SETDB2: variants seen among roughly 807,000 people sequenced by gnomAD.
SETDB2 encodes the protein histone-lysine N-methyltransferase SETDB2.
A neutral mutation model predicts 82.5 loss-of-function variants in SETDB2; 56 were observed. The observed-to-expected ratio is 0.68, with a 90% confidence interval of 0.55 to 0.85. SETDB2 has a LOEUF of 0.85. SETDB2 is among the 40% of genes least tolerant of loss of function. The pLI is 0.00. For missense variants in SETDB2, 677 were observed against 816.4 expected (o/e 0.83, Z 2.08); for synonymous variants, 272 against 284.9 (o/e 0.95, Z 0.46).
intron 1 of SETDB2, among the ~76,000 whole-genome samples, chr13:49,449,715 T>C (rs1219764821): frequency 6.6e-6 from 1 of 152,186 alleles, no homozygotes; most frequent in Non-Finnish European, 1.5e-5. Context: ...CTTGAAACAA[T>C]CCCTTCCATC....
intron 3 of SETDB2, 58 bp from the exon 4 acceptor site, chr13:49,461,039 A>G: frequency 7.7e-7 from 1 of 1,304,886 alleles, no homozygotes; most frequent in Non-Finnish European, 1.1e-6. Flanking sequence ...ATTGTTTAGC[A>G]CAGTAGCTGG....
At chr13:49,457,769 C>T (rs1316943572) in intron 2 of SETDB2, among the ~76,000 whole-genome samples, 2 of 152,114 alleles carry the variant, frequency 1.3e-5, no homozygotes, top group Non-Finnish European at 2.9e-5. Context: ...TTCATTGAGT[C>T]TTGATTGTTG....
chr13:49,492,234 A>C lies in SETDB2; in HGVS notation c.*385A>C, dbSNP rs1289228980. 2 of 170,796 alleles carry C rather than the reference A, an allele frequency of 1.2e-5. No homozygotes were observed. Among genetic ancestry groups the C allele is most frequent in the Non-Finnish European group, 2.5e-5 (2 of 78,730 alleles). 10.6% of individuals were successfully genotyped at this position (170,796 alleles called of 1,614,324 possible). ...TAGTTCATGCCCCCCCAAAGAGCTAAATTTCACATTTTTACCTACAAAATT... is the reference window on the plus strand; with the variant it reads ...TAGTTCATGCCCCCCCAAAGAGCTACATTTCACATTTTTACCTACAAAATT... On this transcript the variant is annotated 3_prime_UTR_variant, in exon 14 of 14. Transcript: ENST00000611815.
At position 49,444,364 on chromosome 13, in the gene SETDB2, C is replaced by T; in HGVS notation, c.-835C>T. The T allele has an allele frequency of 4.7e-6, 1 of 212,176 alleles. No individual in the cohort carries two copies. The highest frequency in any genetic ancestry group is 9.9e-6 in the Non-Finnish European group (1 of 101,496). The allele number at this position is 212,176 out of a possible 1,614,324, so 13.1% of individuals were successfully genotyped here. A position where few individuals can be genotyped will look rare whatever the true frequency, so the allele number is the denominator to read the frequency against. ...TAGTAAATGGTGAAGTACTTCCCGG[C>T]CAGAGGGCACCTGCGCTCGGGAGGT... On this transcript the variant is annotated 5_prime_UTR_variant, in exon 1 of 14. Transcript: ENST00000611815.
At chr13:49,468,232 GT>G (rs1958155565) in intron 5 of SETDB2, among the ~76,000 whole-genome samples, 1 of 152,040 alleles carries the variant, frequency 6.6e-6, no homozygotes, top group African/African-American at 2.4e-5. Flanking sequence ...CAAGTAGTGT[GT>G]TTTTGTTTTG....
At chr13:49,454,886 G>T (rs753070396) in intron 2 of SETDB2, among the ~76,000 whole-genome samples, 3 of 151,950 alleles carry the variant, frequency 2.0e-5, no homozygotes, top group Non-Finnish European at 2.9e-5. Context: ...TTGGTCTCAG[G>T]ATGACTTTAT....
intron 10 of SETDB2, among the ~76,000 whole-genome samples, chr13:49,484,373 G>A (rs1011250010): frequency 2.0e-5 from 3 of 152,144 alleles, no homozygotes; most frequent in Non-Finnish European, 4.4e-5. Flanking sequence ...GGGTTCAAGC[G>A]ATTCCCCTGC....
rs1263826209 is a variant in SETDB2, at chr13:49,457,007, T to C, written c.17-3100T>C. On this transcript the variant is annotated intron_variant, in intron 2 of 13. Transcript: ENST00000611815. ...ATTTAAAACCCAGAACAAATAAATA[T>C]GAATTGCTTAGTTACATTCATTTAT... Among the ~76,000 whole-genome samples the C allele has an allele frequency of 2.6e-5, 4 of 152,352 alleles. No individual in the cohort carries two copies. In the South Asian group the frequency reaches 8.3e-4, roughly 32 times the overall value.
chr13:49,466,009 G>A (rs938366405), intron 4 of SETDB2, among the ~76,000 whole-genome samples: 1 of 152,110 alleles, frequency 6.6e-6, no homozygotes, highest in Admixed American at 6.5e-5. Flanking sequence ...TTGTACAAAG[G>A]GTAACATACA....
chr13:49,445,650 CG>C (rs1459025310), intron 1 of SETDB2: 1 of 152,088 alleles, frequency 6.6e-6, no homozygotes, highest in Non-Finnish European at 1.5e-5. Context: ...AGCTATGGGC[CG>C]GGCGCGGTGG....
At chr13:49,464,797 C>G (rs1431385438) in intron 4 of SETDB2, among the ~76,000 whole-genome samples, 1 of 152,106 alleles carries the variant, frequency 6.6e-6, no homozygotes, top group Non-Finnish European at 1.5e-5. Context: ...TACAGTGGCT[C>G]AGGCCTGTAA....
rs538044408 is a variant in SETDB2, at chr13:49,476,988, T to C, written c.818T>C (p.Phe273Ser). 287 of 1,612,346 alleles carry C rather than the reference T, an allele frequency of 1.8e-4. 3 individuals are homozygous for C. In the South Asian group the frequency reaches 2.1e-3, roughly 12 times the overall value. ...CCTCGAGCATATAATCTAACCAACT[T>C]TTCCAGCATGTTTACTGATTCCTGT... is the stretch of plus-strand genomic sequence containing the variant. ...VWPRAYNLTN[F>S]SSMFTDSCDC... The change falls in exon 6 of 14, where the codon TTT (phenylalanine) becomes TCT (serine). Residue 273 changes from phenylalanine to serine, a missense_variant. Physicochemically the swap from Phe to Ser is radical, Grantham distance 155 (BLOSUM62 -2). Around this residue, in one of 3 missense-constraint regions of SETDB2, gnomAD observed 420 missense variants for 554.6 expected, o/e 0.76. Transcript: ENST00000611815.
chr13:49,451,672 G>T lies in SETDB2; in HGVS notation c.-222G>T, dbSNP rs2138818201. 5.3e-6 allele frequency: 2 copies of T among 375,946 alleles called. No individual in the cohort carries two copies. Among genetic ancestry groups the T allele is most frequent in the Non-Finnish European group, 9.7e-6 (2 of 207,054 alleles). 23.3% of individuals were successfully genotyped at this position (375,946 alleles called of 1,614,324 possible). A position where few individuals can be genotyped will look rare whatever the true frequency, so the allele number is the denominator to read the frequency against. ...GAGAAGATTCATGGACTTGTCTTTT[G>T]GTTGGACTGTCACTCATTTCTGAAA... On this transcript the variant is annotated 5_prime_UTR_variant, in exon 2 of 14. Coordinates refer to ENST00000611815, the MANE Select transcript of SETDB2 (RefSeq NM_001160308.3).
At position 49,488,362 on chromosome 13, in the gene SETDB2, C is replaced by T. The variant is rs144476564; in HGVS notation, c.1649C>T (p.Thr550Ile). 2 of 1,611,522 alleles carry T rather than the reference C, an allele frequency of 1.2e-6. No individual in the cohort carries two copies. Among genetic ancestry groups the T allele is most frequent in the South Asian group, 2.2e-5 (2 of 90,394 alleles). The stretch of plus-strand genomic sequence containing the variant: ...ATTGAATCAGATGTGATAGATATAA[C>T]TAAATATAGAGAAGAAACTCCACCA... ...LLIESDVIDI[T>I]KYREETPPRS... Residue 550 changes from threonine to isoleucine, a missense_variant, in exon 12 of 14, where the codon ACT becomes ATT. Around this residue, in one of 3 missense-constraint regions of SETDB2, gnomAD observed 420 missense variants for 554.6 expected, o/e 0.76. Transcript: ENST00000611815.
At chr13:49,474,233 G>A (rs752676471) in intron 5 of SETDB2, among the ~76,000 whole-genome samples, 13 of 152,076 alleles carry the variant, frequency 8.5e-5, no homozygotes, top group Admixed American at 1.3e-4. Context: ...CTGCACTCCA[G>A]CCTGGGCAAT....
In SETDB2 at chr13:49,479,217, G is replaced by C. The variant is rs1451694619; in HGVS notation, c.870-1002G>C. Among the ~76,000 whole-genome samples, 4 of 111,958 alleles carry C rather than the reference G, an allele frequency of 3.6e-5. No homozygotes were observed. The East Asian group carries it at 1.0e-3, about 29-fold the overall frequency. 73.4% of individuals were successfully genotyped at this position (111,958 alleles called of 152,430 possible). ...TTTACTTTTTAACTTTTTTTAAGAA[G>C]ACCATATATATGTGGTGTATATGTG... On this transcript the variant is annotated intron_variant, in intron 6 of 13. Transcript: ENST00000611815.
rs1958738515 is a variant in SETDB2, at chr13:49,492,825, G to A, written c.*976G>A. On this transcript the variant is annotated 3_prime_UTR_variant, in exon 14 of 14. Transcript: ENST00000611815. ...AATACAAAAATTAGCCTGGCATGAT[G>A]GCATGTGCCCGTAGTCTCAGCTACT... The A allele has an allele frequency of 6.6e-6, 1 of 152,176 alleles. No individual in the cohort carries two copies. Among genetic ancestry groups the A allele is most frequent in the South Asian group, 2.1e-4 (1 of 4,814 alleles). 9.4% of individuals were successfully genotyped at this position (152,176 alleles called of 1,614,324 possible). A position where few individuals can be genotyped will look rare whatever the true frequency, so the allele number is the denominator to read the frequency against.
intron 2 of SETDB2, among the ~76,000 whole-genome samples, chr13:49,455,702 C>T (rs1480771810): frequency 1.3e-5 from 2 of 151,852 alleles, no homozygotes; most frequent in East Asian, 3.9e-4. Context: ...TCACTTTGCT[C>T]ATATGCCAAA....
At chr13:49,467,046 A>G (rs1020198935) in intron 4 of SETDB2, among the ~76,000 whole-genome samples, 6 of 152,150 alleles carry the variant, frequency 3.9e-5, no homozygotes, top group Non-Finnish European at 5.9e-5. Flanking sequence ...GAAATACAAT[A>G]TCCTTTTATT....
Sources: allele counts gnomAD v4.1 joint callset (sites outside exome capture counted in the v4.1 genomes callset), GRCh38; gene constraint gnomAD v4.1.1; regional missense constraint gnomAD v4.1.1; transcripts MANE v1.5; gene names NCBI Gene and HGNC (gene_info 2026-07-23, HGNC 2026-07-21).